Variants in TBCK observed in about 807,000 individuals in gnomAD.
TBCK encodes the protein TBC1 domain containing kinase.
TBCK carries 99 observed loss-of-function variants against 113.4 expected under a neutral mutation model. That is an observed-to-expected ratio of 0.87 (90% confidence interval 0.74 to 1.03). TBCK has a LOEUF of 1.03. Among genes scored for constraint, TBCK ranks in the 50% least tolerant of loss-of-function variants. The probability of loss-of-function intolerance (pLI) is 0.00; values close to 1 mark genes in which losing one functional copy is unlikely to be tolerated. For missense variants in TBCK, 1,045 were observed against 1,061.3 expected, an observed-to-expected ratio of 0.98 and a Z score of 0.21; for synonymous variants, 369 against 370.8, an observed-to-expected ratio of 1.00 and a Z score of 0.05.
At chr4:106,221,321 A>G (rs1028870066) in intron 19 of TBCK, among the ~76,000 whole-genome samples, 1 of 152,182 alleles carries the variant, frequency 6.6e-6, no homozygotes, top group African/African-American at 2.4e-5. Flanking sequence ...ATAACTGCAT[A>G]TACATATATA....
Position 106,248,931 on chromosome 4 carries a change from T to C in TBCK, c.710A>G (p.Asp237Gly). Reference protein sequence around the residue: ...IVLAEEHGCLDIIKELPETVI... With the variant: ...IVLAEEHGCLGIIKELPETVI... ...AGATTAATGACAAACCTTTATAATG[T>C]CCAAACAACCATGCTCTTCAGCCAG... Residue 237 changes from aspartate to glycine, a missense_variant, in exon 8 of 26, where the codon GAC becomes GGC. Transcript: ENST00000394708. 1.2e-6 allele frequency: 2 copies of C among 1,607,126 alleles called. No homozygotes were observed. Among genetic ancestry groups the C allele is most frequent in the Non-Finnish European group, 1.7e-6 (2 of 1,177,856 alleles).
At chr4:106,232,862 T>C in intron 17 of TBCK, 76 bp downstream of exon 17, 4 of 1,393,008 alleles carry the variant, frequency 2.9e-6, no homozygotes, top group Non-Finnish European at 3.9e-6. Context: ...TGTTTAGATA[T>C]TTTAATTTTT....
chr4:106,275,327 A>G (rs1399828435), intron 3 of TBCK, among the ~76,000 whole-genome samples: 2 of 152,194 alleles, frequency 1.3e-5, no homozygotes, highest in Non-Finnish European at 2.9e-5. Context: ...AAGACCGTAT[A>G]TAATGGTGAA....
intron 20 of TBCK, among the ~76,000 whole-genome samples, chr4:106,195,586 T>TA (rs1362616616): frequency 6.6e-6 from 1 of 151,738 alleles, no homozygotes; most frequent in Non-Finnish European, 1.5e-5. Flanking sequence ...CCAGTGTGGG[T>TA]AGGTATCATG....
chr4:106,244,532 A>C (rs1760541724), intron 11 of TBCK, 94 bp downstream of exon 11: 2 of 1,158,582 alleles, frequency 1.7e-6, no homozygotes, highest in African/African-American at 3.2e-5. Flanking sequence ...CCAATTTAAA[A>C]AAAAAAAACA....
intron 23 of TBCK, among the ~76,000 whole-genome samples, chr4:106,117,303 T>C (rs1487047200): frequency 5.3e-5 from 8 of 152,220 alleles, no homozygotes; most frequent in African/African-American, 1.9e-4. Context: ...GAAATTGCAC[T>C]GTAATTAGGC....
At position 106,116,378 on chromosome 4, in the gene TBCK, A is replaced by C; in HGVS notation, c.2236T>G (p.Ser746Ala). 1 of 1,597,710 alleles carries C rather than the reference A, an allele frequency of 6.3e-7. No individual in the cohort carries two copies. Residue 746 changes from serine to alanine, a missense_variant and splice_region_variant, in exon 24 of 26, where the codon TCA becomes GCA. Coordinates refer to ENST00000394708, the MANE Select transcript of TBCK (RefSeq NM_001163435.3). ...TCATTTAATGGGATGGATTCTCTTG[A>C]CTGAAAAAAAAAATGTACAAAAAAA... Reference protein sequence around the residue: ...ECPDPPKTDLSRESIPLNDLK... With the variant: ...ECPDPPKTDLARESIPLNDLK...
intron 25 of TBCK, among the ~76,000 whole-genome samples, chr4:106,065,258 T>A (rs1736507339): frequency 6.6e-6 from 1 of 152,072 alleles, no homozygotes; most frequent in Admixed American, 6.6e-5. Flanking sequence ...ACTTGTTCTC[T>A]GAGATTAATT....
intron 25 of TBCK, among the ~76,000 whole-genome samples, chr4:106,091,551 G>A (rs959992019): frequency 4.6e-5 from 7 of 152,034 alleles, no homozygotes; most frequent in African/African-American, 1.4e-4. Context: ...TCGTGGTCTC[G>A]CTGGCTCATG....
chr4:106,252,416 A>T (rs1761537310), intron 5 of TBCK, among the ~76,000 whole-genome samples: 1 of 152,092 alleles, frequency 6.6e-6, no homozygotes, highest in Non-Finnish European at 1.5e-5. Context: ...GCTATAAAAA[A>T]GATACAAATT....
At chr4:106,271,830 G>A (rs559327304) in intron 3 of TBCK, among the ~76,000 whole-genome samples, 1 of 151,432 alleles carries the variant, frequency 6.6e-6, no homozygotes, top group South Asian at 2.1e-4. Flanking sequence ...TCTACAAAGA[G>A]CACATTGATT....
chr4:106,219,766 T>C (rs1167946323), intron 19 of TBCK, among the ~76,000 whole-genome samples: 1 of 152,134 alleles, frequency 6.6e-6, no homozygotes, highest in Non-Finnish European at 1.5e-5. Context: ...CTCAAACTCC[T>C]GGGCTCAAGC....
At chr4:106,265,950 T>G (rs1201240853) in intron 3 of TBCK, among the ~76,000 whole-genome samples, 1 of 151,830 alleles carries the variant, frequency 6.6e-6, no homozygotes, top group Non-Finnish European at 1.5e-5. Flanking sequence ...CTGTAAAATA[T>G]TCCTTTTTAT....
Position 106,248,298 on chromosome 4 carries a change from A to G in TBCK, c.729T>C (p.Pro243=). The G allele has an allele frequency of 6.3e-7, 1 of 1,584,880 alleles. No individual in the cohort carries two copies. Among genetic ancestry groups the G allele is most frequent in the Non-Finnish European group, 8.6e-7 (1 of 1,164,132 alleles). ...TATTCAAAAGATCTATCACAGTTTC[A>G]GGAAGCTCCTGGTAAATAAAGAGAG... ...HGCLDIIKEL[P]ETVIDLLNKC... The change falls in exon 9 of 26, where the codon CCT becomes CCC. Residue 243 remains proline (P), a synonymous_variant. Coordinates refer to ENST00000394708, the MANE Select transcript of TBCK (RefSeq NM_001163435.3).
intron 3 of TBCK, among the ~76,000 whole-genome samples, chr4:106,283,640 A>C (rs1469905351): frequency 2.0e-5 from 3 of 152,144 alleles, no homozygotes. Flanking sequence ...CACATTGGAA[A>C]TAATAAGAGA....
intron 20 of TBCK, among the ~76,000 whole-genome samples, chr4:106,201,566 A>C (rs1754889933): frequency 6.6e-6 from 1 of 152,060 alleles, no homozygotes; most frequent in Non-Finnish European, 1.5e-5. Flanking sequence ...CTAAGTAAAT[A>C]CTGCCCCCTA....
In TBCK at chr4:106,214,963, G is replaced by A. The variant is rs1347723078; in HGVS notation, c.1775-2128C>T. ...GGAAAAAATGTTAAGGGCAGCCAGA[G>A]AGAAAGGTCGGGTTACCCTCAAAGG... is the stretch of plus-strand genomic sequence containing the variant. On this transcript the variant is annotated intron_variant, in intron 19 of 25. Transcript: ENST00000394708. Among the ~76,000 whole-genome samples the A allele has an allele frequency of 2.0e-5, 3 of 151,592 alleles. No individual in the cohort carries two copies. The South Asian group carries it at 6.3e-4, about 32-fold the overall frequency.
chr4:106,098,067 T>C (rs984747487), intron 24 of TBCK, among the ~76,000 whole-genome samples: 1 of 152,004 alleles, frequency 6.6e-6, no homozygotes, highest in African/African-American at 2.4e-5. Flanking sequence ...CAAGTATACA[T>C]AGGACCTTCA....
chr4:106,289,037 A>G (rs1765404514), intron 3 of TBCK, among the ~76,000 whole-genome samples: 1 of 152,102 alleles, frequency 6.6e-6, no homozygotes, highest in Admixed American at 6.5e-5. Flanking sequence ...AATCCGAAAC[A>G]CTTCTGGTCC....
Sources: allele counts gnomAD v4.1 joint callset (sites outside exome capture counted in the v4.1 genomes callset), GRCh38; gene constraint gnomAD v4.1.1; transcripts MANE v1.5; gene names NCBI Gene and HGNC (gene_info 2026-07-23, HGNC 2026-07-21).